SPIDR: variants seen among roughly 807,000 people sequenced by gnomAD.
The protein encoded by SPIDR is scaffold protein involved in DNA repair, also known as DNA repair-scaffolding protein.
In SPIDR, 93 loss-of-function variants were observed where a neutral mutation model predicts 104.6. That is an observed-to-expected ratio of 0.89 (90% CI 0.75 to 1.06). The LOEUF (loss-of-function observed/expected upper bound fraction) is 1.06. SPIDR is among the 50% of genes least tolerant of loss of function. The pLI is 0.00. For missense variants in SPIDR, 1,154 were observed against 1,111.2 expected (o/e 1.04, Z -0.55); for synonymous variants, 431 against 416.9 (o/e 1.03, Z -0.41).
At chr8:47,673,319 C>T (rs927814172) in intron 10 of SPIDR, 4 of 436,646 alleles carry the variant, frequency 9.2e-6, no homozygotes, top group East Asian at 7.0e-5. Flanking sequence ...CGTGTACTGT[C>T]GCAGAGAATG....
chr8:47,619,221 A>G (rs536764419), intron 10 of SPIDR, among the ~76,000 whole-genome samples: 9 of 152,206 alleles, frequency 5.9e-5, no homozygotes, highest in Non-Finnish European at 1.0e-4. Flanking sequence ...ATTCTACACA[A>G]TGAATCTCTG....
At chr8:47,611,417 G>A (rs1392380753) in intron 10 of SPIDR, among the ~76,000 whole-genome samples, 2 of 152,124 alleles carry the variant, frequency 1.3e-5, no homozygotes, top group African/African-American at 4.8e-5. Context: ...AGAAAATAGA[G>A]GCTGGGCCCG....
chr8:47,289,115 G>A (rs2039425630), intron 3 of SPIDR, among the ~76,000 whole-genome samples: 1 of 151,852 alleles, frequency 6.6e-6, no homozygotes, highest in African/African-American at 2.4e-5. Flanking sequence ...TCTTAAACTC[G>A]TCCTCCTGCT....
At chr8:47,622,464 T>C (rs889428562) in intron 10 of SPIDR, among the ~76,000 whole-genome samples, 27 of 152,092 alleles carry the variant, frequency 1.8e-4, no homozygotes, top group African/African-American at 5.8e-4. Flanking sequence ...GAGTCAGGCC[T>C]ATACTCAGGC....
intron 8 of SPIDR, among the ~76,000 whole-genome samples, chr8:47,565,136 C>T (rs1359476734): frequency 6.6e-6 from 1 of 152,108 alleles, no homozygotes; most frequent in Non-Finnish European, 1.5e-5. Flanking sequence ...ATCCCAGCTG[C>T]TTGGGAGGCC....
At chr8:47,313,169 C>T (rs2044557142) in intron 5 of SPIDR, among the ~76,000 whole-genome samples, 1 of 152,198 alleles carries the variant, frequency 6.6e-6, no homozygotes, top group Non-Finnish European at 1.5e-5. Context: ...ACACCATCAT[C>T]TCAGCCCAAA....
intron 5 of SPIDR, among the ~76,000 whole-genome samples, chr8:47,355,382 G>C (rs782713084): frequency 7.0e-6 from 1 of 142,256 alleles, no homozygotes; most frequent in Non-Finnish European, 1.5e-5. Context: ...CATTATGTCC[G>C]TATTCATTAA....
chr8:47,471,978 A>T (rs1033380588), intron 8 of SPIDR, among the ~76,000 whole-genome samples: 5 of 152,240 alleles, frequency 3.3e-5, no homozygotes, highest in Non-Finnish European at 7.3e-5. Context: ...CCAACTGATT[A>T]ATCATTAGAC....
chr8:47,552,157 C>A (rs909318940), intron 8 of SPIDR, among the ~76,000 whole-genome samples: 4 of 152,074 alleles, frequency 2.6e-5, no homozygotes, highest in African/African-American at 9.7e-5. Flanking sequence ...AATTTTTGTT[C>A]TTTTACATTT....
At chr8:47,545,501 C>T (rs1190582588) in intron 8 of SPIDR, among the ~76,000 whole-genome samples, 1 of 151,986 alleles carries the variant, frequency 6.6e-6, no homozygotes. Context: ...TGCAGTTTTG[C>T]TGAACTCATT....
At chr8:47,506,188 G>T (rs978815854) in intron 8 of SPIDR, among the ~76,000 whole-genome samples, 3 of 152,140 alleles carry the variant, frequency 2.0e-5, no homozygotes, top group African/African-American at 7.2e-5. Flanking sequence ...TACCCACCTG[G>T]AAGTAACACA....
chr8:47,311,298 C>T (rs1014976363), intron 5 of SPIDR, among the ~76,000 whole-genome samples: 22 of 152,166 alleles, frequency 1.4e-4, no homozygotes, highest in African/African-American at 5.3e-4. Flanking sequence ...TGAAGCTAGC[C>T]TCAGTGGCTG....
At chr8:47,628,279 A>G (rs1485126952) in intron 10 of SPIDR, among the ~76,000 whole-genome samples, 3 of 152,202 alleles carry the variant, frequency 2.0e-5, no homozygotes, top group African/African-American at 4.8e-5. Flanking sequence ...TCCTCCAGTA[A>G]CAGCAAGGAA....
At chr8:47,467,539 A>C (rs1041902473) in intron 8 of SPIDR, among the ~76,000 whole-genome samples, 5 of 152,242 alleles carry the variant, frequency 3.3e-5, no homozygotes, top group Non-Finnish European at 5.9e-5. Context: ...TATCCCTGGG[A>C]TGCAAGATTG....
At chr8:47,513,692 T>C (rs886281933) in intron 8 of SPIDR, among the ~76,000 whole-genome samples, 6 of 152,192 alleles carry the variant, frequency 3.9e-5, no homozygotes, top group African/African-American at 1.4e-4. Context: ...AGGGGGTTTT[T>C]TGAGCTATTG....
intron 8 of SPIDR, among the ~76,000 whole-genome samples, chr8:47,517,775 T>A (rs1183194457): frequency 6.6e-6 from 1 of 152,242 alleles, no homozygotes; most frequent in Non-Finnish European, 1.5e-5. Context: ...TCATTATTCG[T>A]ATTTAACTCT....
In SPIDR at chr8:47,735,363, C is replaced by T. The variant is rs574591568; in HGVS notation, c.2661C>T (p.Val887=). The T allele has an allele frequency of 1.6e-5, 26 of 1,613,936 alleles. No homozygotes were observed. The South Asian group carries it at 2.7e-4, about 17-fold the overall frequency. ...AAGTGGGGTTGTTAAATTGTTTTGT[C>T]CAGTCCGTAACCGCCCACCCGACCA... ...GKEVGLLNCF[V]QSVTAHPTSC... The change falls in exon 20 of 20, where the codon GTC becomes GTT. Residue 887 remains valine (V), a synonymous_variant. Transcript: ENST00000297423.
intron 11 of SPIDR, among the ~76,000 whole-genome samples, chr8:47,689,574 A>C (rs758427108): frequency 6.6e-6 from 1 of 152,250 alleles, no homozygotes; most frequent in Non-Finnish European, 1.5e-5. Flanking sequence ...GCTCACTTTC[A>C]CATGGCTCCC....
intron 4 of SPIDR, among the ~76,000 whole-genome samples, chr8:47,292,928 G>A (rs1300517590): frequency 5.3e-5 from 8 of 151,994 alleles, no homozygotes; most frequent in East Asian, 1.9e-4. Flanking sequence ...GTGTGATACC[G>A]GCAGCGGCTC....
Sources: allele counts gnomAD v4.1 joint callset (sites outside exome capture counted in the v4.1 genomes callset), GRCh38; gene constraint gnomAD v4.1.1; transcripts MANE v1.5; gene names NCBI Gene and HGNC (gene_info 2026-07-23, HGNC 2026-07-21).